DOK6: variants seen among roughly 807,000 people sequenced by gnomAD.
DOK6 encodes downstream of tyrosine kinase 6.
Under a neutral mutation model 44.0 loss-of-function variants are expected in DOK6, and 22 were observed. That is an observed-to-expected ratio of 0.50 (90% CI 0.36 to 0.71). The LOEUF (loss-of-function observed/expected upper bound fraction) is 0.71, where lower values mean the gene tolerates loss of function less well. Among genes scored for constraint, DOK6 ranks in the 30% least tolerant of loss-of-function variants. The pLI is 0.00. For missense variants in DOK6, 340 were observed against 416.4 expected, an observed-to-expected ratio of 0.82 and a Z score of 1.60; for synonymous variants, 166 against 145.5, an observed-to-expected ratio of 1.14 and a Z score of -1.01.
intron 5 of DOK6, among the ~76,000 whole-genome samples, chr18:69,737,927 A>G (rs1978668240): frequency 6.6e-6 from 1 of 152,222 alleles, no homozygotes; most frequent in Non-Finnish European, 1.5e-5. Context: ...CTACTTATCA[A>G]TGGTTTTGTT....
At chr18:69,527,377 G>C (rs1981859761) in intron 1 of DOK6, among the ~76,000 whole-genome samples, 1 of 152,194 alleles carries the variant, frequency 6.6e-6, no homozygotes, top group African/African-American at 2.4e-5. Context: ...AGCAGAAGGG[G>C]AAGTAAACAT....
At chr18:69,426,640 A>C (rs1222078353) in intron 1 of DOK6, among the ~76,000 whole-genome samples, 1 of 152,240 alleles carries the variant, frequency 6.6e-6, no homozygotes, top group Non-Finnish European at 1.5e-5. Context: ...TTAGATATTC[A>C]ATCAATACAG....
At chr18:69,779,851 C>T (rs982620736) in intron 7 of DOK6, among the ~76,000 whole-genome samples, 1 of 151,938 alleles carries the variant, frequency 6.6e-6, no homozygotes, top group African/African-American at 2.4e-5. Flanking sequence ...TGATGCCCTT[C>T]AAACCTGGAC....
chr18:69,761,649 G>C (rs1220578803), intron 7 of DOK6, among the ~76,000 whole-genome samples: 1 of 152,088 alleles, frequency 6.6e-6, no homozygotes, highest in Non-Finnish European at 1.5e-5. Flanking sequence ...GGTGAAAGTG[G>C]TATCCAGCCA....
chr18:69,415,547 C>G (rs1978326969), intron 1 of DOK6, among the ~76,000 whole-genome samples: 1 of 152,036 alleles, frequency 6.6e-6, no homozygotes, highest in African/African-American at 2.4e-5. Context: ...AGATAGGCAC[C>G]AGATATTTAT....
At chr18:69,596,253 C>A (rs1983737999) in intron 2 of DOK6, among the ~76,000 whole-genome samples, 1 of 151,964 alleles carries the variant, frequency 6.6e-6, no homozygotes, top group South Asian at 2.1e-4. Context: ...TATATGCCCC[C>A]AGGATATTTT....
intron 3 of DOK6, among the ~76,000 whole-genome samples, chr18:69,633,719 A>G (rs920435895): frequency 2.0e-5 from 3 of 152,206 alleles, no homozygotes; most frequent in Non-Finnish European, 2.9e-5. Context: ...CTAATTACTC[A>G]GTGATGGTCA....
chr18:69,737,385 A>G (rs543407831), intron 5 of DOK6, among the ~76,000 whole-genome samples: 63 of 152,286 alleles, frequency 4.1e-4, no homozygotes, highest in African/African-American at 1.4e-3. Context: ...GAACTCGTTC[A>G]ATATCAGGAG....
chr18:69,630,624 T>C lies in DOK6; in HGVS notation c.289+31126T>C, dbSNP rs551217103. On this transcript the variant is annotated intron_variant, in intron 3 of 7. Coordinates refer to ENST00000382713, the MANE Select transcript of DOK6 (RefSeq NM_152721.6). ...TCGAAACAATAATGGCGGATAGATA[T>C]ATAATTCTTCTTGAGAAAAATGTGC... Among the ~76,000 whole-genome samples the C allele has an allele frequency of 2.1e-3, 322 of 152,336 alleles. 3 individuals are homozygous for C. Among genetic ancestry groups the C allele is most frequent in the African/African-American group, 7.4e-3 (306 of 41,578 alleles).
intron 1 of DOK6, among the ~76,000 whole-genome samples, chr18:69,563,412 C>A (rs567521976): frequency 2.6e-5 from 4 of 152,170 alleles, no homozygotes; most frequent in Admixed American, 2.6e-4. Context: ...AAATGTCCAA[C>A]AATGATAGAC....
intron 1 of DOK6, among the ~76,000 whole-genome samples, chr18:69,508,981 C>T (rs1263571216): frequency 6.6e-6 from 1 of 152,150 alleles, no homozygotes; most frequent in Non-Finnish European, 1.5e-5. Flanking sequence ...TGATAAAAAT[C>T]TTATTTATAT....
intron 6 of DOK6, among the ~76,000 whole-genome samples, chr18:69,750,605 G>A (rs895286283): frequency 1.3e-5 from 2 of 152,242 alleles, no homozygotes; most frequent in East Asian, 1.9e-4. Flanking sequence ...GAGAAAAGGG[G>A]ACCAGGACAC....
intron 1 of DOK6, among the ~76,000 whole-genome samples, chr18:69,449,783 C>T (rs1255602731): frequency 6.6e-6 from 1 of 151,324 alleles, no homozygotes; most frequent in African/African-American, 2.4e-5. Flanking sequence ...CTGGGAGGCA[C>T]CCCCCAGCAG....
chr18:69,576,656 T>G (rs907443441), intron 2 of DOK6, among the ~76,000 whole-genome samples: 2 of 152,158 alleles, frequency 1.3e-5, no homozygotes, highest in African/African-American at 4.8e-5. Context: ...TGGTATATAC[T>G]TTTTAGAAAC....
At chr18:69,697,566 G>A (rs906873466) in intron 4 of DOK6, among the ~76,000 whole-genome samples, 1 of 151,990 alleles carries the variant, frequency 6.6e-6, no homozygotes, top group Admixed American at 6.6e-5. Flanking sequence ...TATAGAGTAT[G>A]TTGTAAGGCA....
At position 69,580,711 on chromosome 18, in the gene DOK6, T is replaced by C. The variant is rs142291977; in HGVS notation, c.174+16117T>C. Among the ~76,000 whole-genome samples the C allele has an allele frequency of 2.6e-3, 392 of 152,256 alleles. 1 individual carries two copies. The highest frequency in any genetic ancestry group is 9.1e-3 in the African/African-American group (380 of 41,550). On this transcript the variant is annotated intron_variant, in intron 2 of 7. Transcript: ENST00000382713. ...TGTTAATCATCTGTCCTTCTAGCTATTTGAAAATATATAATATATTGTTAA... is the reference window on the plus strand; with the variant it reads ...TGTTAATCATCTGTCCTTCTAGCTACTTGAAAATATATAATATATTGTTAA...
At chr18:69,575,563 A>T (rs1452948518) in intron 2 of DOK6, among the ~76,000 whole-genome samples, 2 of 151,762 alleles carry the variant, frequency 1.3e-5, no homozygotes, top group Non-Finnish European at 2.9e-5. Flanking sequence ...AGCTACAAAT[A>T]AAAAAAAGTT....
rs758937238 is a variant in DOK6, at chr18:69,698,488, A to C, written c.494A>C (p.Tyr165Ser). 1.2e-6 allele frequency: 2 copies of C among 1,614,108 alleles called. No homozygotes were observed. The highest frequency in any genetic ancestry group is 1.3e-5 in the African/African-American group (1 of 75,040). Residue 165 changes from tyrosine to serine, a missense_variant, in exon 5 of 8, where the codon TAT (tyrosine) becomes TCT (serine). Coordinates refer to ENST00000382713, the MANE Select transcript of DOK6 (RefSeq NM_152721.6). ...CTMQITHENI[Y>S]LWDIHNAKVK... ...ATGCAGATCACTCATGAAAATATCT[A>C]TCTCTGGGATATCCACAATGCCAAG...
At chr18:69,539,619 C>A (rs1449601619) in intron 1 of DOK6, among the ~76,000 whole-genome samples, 3 of 151,984 alleles carry the variant, frequency 2.0e-5, no homozygotes, top group African/African-American at 7.3e-5. Context: ...ATATAGAAAG[C>A]TTTCTTATTC....
Sources: allele counts gnomAD v4.1 joint callset (sites outside exome capture counted in the v4.1 genomes callset), GRCh38; gene constraint gnomAD v4.1.1; transcripts MANE v1.5; gene names NCBI Gene and HGNC (gene_info 2026-07-23, HGNC 2026-07-21).